The following CIBAR1 variants were observed in gnomAD, a reference collection of about 807,000 sequenced individuals.
CIBAR1 encodes CBY1-interacting BAR domain-containing protein 1.
In CIBAR1, 25 loss-of-function variants were observed where a neutral mutation model predicts 44.0. The ratio of observed to expected loss-of-function variants is 0.57; its 90% CI spans 0.41 to 0.79. CIBAR1 has a LOEUF of 0.79. CIBAR1 is among the 30% of genes least tolerant of loss of function. The pLI, the probability that CIBAR1 is intolerant of heterozygous loss-of-function variation, is 0.00. For missense variants in CIBAR1, 278 were observed against 344.8 expected, an observed-to-expected ratio of 0.81 and a Z score of 1.53; for synonymous variants, 115 against 119.0, an observed-to-expected ratio of 0.97 and a Z score of 0.22.
intron 6 of CIBAR1, among the ~76,000 whole-genome samples, chr8:93,710,078 A>G (rs1196142258): frequency 5.9e-5 from 9 of 152,186 alleles, no homozygotes; most frequent in African/African-American, 1.4e-4. Context: ...TGAGGCCAGG[A>G]GTTTGGGATG....
rs1022432144 is a variant in CIBAR1 at position 93,704,983 on chromosome 8, G to T, written c.405G>T (p.Gln135His). 1.2e-6 allele frequency: 2 copies of T among 1,612,746 alleles called. No homozygotes were observed. Among genetic ancestry groups the T allele is most frequent in the African/African-American group, 2.7e-5 (2 of 74,884 alleles). The change falls in exon 4 of 9, where the codon CAG becomes CAT. Residue 135 changes from glutamine to histidine, a missense_variant. Physicochemically the swap from Gln to His is conservative, Grantham distance 24 (BLOSUM62 0). Coordinates refer to ENST00000518322, the MANE Select transcript of CIBAR1 (RefSeq NM_145269.5). Reference protein sequence around the residue: ...KQLTQLERTRQRNPSDRHVIS... With the variant: ...KQLTQLERTRHRNPSDRHVIS... Reference sequence around the variant, plus strand: ...TAACTCAGTTAGAAAGAACACGTCAGCGAAACCCATCTGATCGACATGTTA... The same window carrying T: ...TAACTCAGTTAGAAAGAACACGTCATCGAAACCCATCTGATCGACATGTTA...
chr8:93,708,820 C>T (rs1185376290), intron 5 of CIBAR1, among the ~76,000 whole-genome samples: 3 of 152,098 alleles, frequency 2.0e-5, no homozygotes, highest in African/African-American at 7.2e-5. Context: ...TGGTTATATA[C>T]CTGCTAACTC....
At chr8:93,714,748 T>A (rs1810976149) in intron 6 of CIBAR1, among the ~76,000 whole-genome samples, 1 of 152,006 alleles carries the variant, frequency 6.6e-6, no homozygotes, top group African/African-American at 2.4e-5. Context: ...CCTCCCCAGG[T>A]GCTGGGATTA....
At chr8:93,718,989 A>AACT (rs1811141298) in intron 7 of CIBAR1, among the ~76,000 whole-genome samples, 1 of 151,796 alleles carries the variant, frequency 6.6e-6, no homozygotes, top group Non-Finnish European at 1.5e-5. Context: ...TCAGCCTCCT[A>AACT]ACTAGCTTGG....
Position 93,700,582 on chromosome 8 carries a change from C to T in CIBAR1, c.-66C>T. On this transcript the variant is annotated 5_prime_UTR_variant, in exon 1 of 9. Coordinates refer to ENST00000518322, the MANE Select transcript of CIBAR1 (RefSeq NM_145269.5). The stretch of plus-strand genomic sequence containing the variant: ...CGGCGGCTGCTTGCGCCCCAGCGCG[C>T]GCCCAGGCGCCTTGGAATCCCCGTC... The T allele has an allele frequency of 7.0e-7, 1 of 1,422,970 alleles. No individual in the cohort carries two copies. The highest frequency in any genetic ancestry group is 9.2e-7 in the Non-Finnish European group (1 of 1,087,406). The allele number at this position is 1,422,970 out of a possible 1,614,324, so 88.1% of individuals were successfully genotyped here. A position where few individuals can be genotyped will look rare whatever the true frequency, so the allele number is the denominator to read the frequency against.
chr8:93,726,044 T>C (rs1039403992), intron 7 of CIBAR1: 7 of 190,856 alleles, frequency 3.7e-5, no homozygotes, highest in African/African-American at 1.2e-4. Flanking sequence ...AGTTGAGAAT[T>C]TGCAGAACAG....
chr8:93,702,779 G>A (rs1412432891), intron 2 of CIBAR1, among the ~76,000 whole-genome samples: 1 of 151,936 alleles, frequency 6.6e-6, no homozygotes, highest in African/African-American at 2.4e-5. Flanking sequence ...ATGAAATTAA[G>A]TGTATTTGTC....
In CIBAR1 at chr8:93,701,333, G is replaced by C; in HGVS notation, c.136G>C (p.Asp46His). ...TGTGCGGAAAACTGCCAGGCTGAGAGACAAAGCAGACCTCCTGGTGAATGA... is the reference window on the plus strand; with the variant it reads ...TGTGCGGAAAACTGCCAGGCTGAGACACAAAGCAGACCTCCTGGTGAATGA... ...AYVRKTARLR[D>H]KADLLVNEIN... is the part of the protein sequence containing the mutation. Residue 46 changes from aspartate (D) to histidine (H), a missense_variant, in exon 2 of 9, where the codon GAC becomes CAC. Transcript: ENST00000518322. The C allele has an allele frequency of 1.2e-6, 2 of 1,613,900 alleles. No homozygotes were observed. Among genetic ancestry groups the C allele is most frequent in the East Asian group, 4.5e-5 (2 of 44,876 alleles).
intron 6 of CIBAR1, among the ~76,000 whole-genome samples, chr8:93,718,462 G>A (rs1184059689): frequency 7.9e-5 from 12 of 152,176 alleles, no homozygotes; most frequent in Admixed American, 7.9e-4. Context: ...GAAGTGGATG[G>A]TGATAAAGGA....
chr8:93,722,742 C>G (rs2130371940), intron 7 of CIBAR1, among the ~76,000 whole-genome samples: 3 of 152,172 alleles, frequency 2.0e-5, no homozygotes, highest in South Asian at 4.2e-4. Context: ...GTATTAACTT[C>G]AGAGCACATT....
chr8:93,701,130 C>T, intron 1 of CIBAR1, 94 bp from the exon 2 acceptor site: 1 of 1,515,998 alleles, frequency 6.6e-7, no homozygotes, highest in Non-Finnish European at 8.9e-7. Context: ...TTCAAAGCTG[C>T]AGAATGCCCG....
intron 7 of CIBAR1, chr8:93,721,210 C>T (rs1811249736): frequency 6.6e-6 from 1 of 152,192 alleles, no homozygotes; most frequent in South Asian, 2.1e-4. Context: ...TAACCATTTC[C>T]TGCAAGAAGT....
chr8:93,709,913 A>G, intron 6 of CIBAR1, 38 bp downstream of exon 6: 1 of 1,471,706 alleles, frequency 6.8e-7, no homozygotes. Flanking sequence ...ACATGTTTTT[A>G]ACCTTTTTTT....
intron 6 of CIBAR1, 78 bp from the exon 7 acceptor site, chr8:93,718,597 T>C (rs1183838942): frequency 2.7e-6 from 2 of 749,588 alleles, no homozygotes; most frequent in Non-Finnish European, 2.2e-6. Context: ...ATACCAAGAC[T>C]ATAGTGAGGA....
At chr8:93,709,235 G>A (rs1223000704) in intron 5 of CIBAR1, among the ~76,000 whole-genome samples, 1 of 152,032 alleles carries the variant, frequency 6.6e-6, no homozygotes, top group Non-Finnish European at 1.5e-5. Context: ...AGCCGAGAGC[G>A]TGCCACTGCA....
intron 7 of CIBAR1, among the ~76,000 whole-genome samples, chr8:93,721,922 CA>C (rs1213354994): frequency 6.6e-6 from 1 of 151,980 alleles, no homozygotes; most frequent in Non-Finnish European, 1.5e-5. Context: ...GGATGCCTGG[CA>C]AAAACTTTCA....
chr8:93,712,111 C>A (rs1467306827), intron 6 of CIBAR1, among the ~76,000 whole-genome samples: 1 of 152,168 alleles, frequency 6.6e-6, no homozygotes, highest in African/African-American at 2.4e-5. Context: ...AAACATTGGG[C>A]TATAATTCAC....
chr8:93,724,568 C>G (rs761721314), intron 7 of CIBAR1: 1 of 1,274,158 alleles, frequency 7.8e-7, no homozygotes. Flanking sequence ...TCAAGCGATC[C>G]GCCTGCGTTG....
In CIBAR1 at chr8:93,729,742, T is replaced by C. The variant is rs182968575; in HGVS notation, c.*1445T>C. Reference sequence around the variant, plus strand: ...GGTTTAGGCAAATTCAAGACTATTATACAGGTAACTATGTAACCATGTAAG... The same window carrying C: ...GGTTTAGGCAAATTCAAGACTATTACACAGGTAACTATGTAACCATGTAAG... On this transcript the variant is annotated 3_prime_UTR_variant, in exon 9 of 9. Coordinates refer to ENST00000518322, the MANE Select transcript of CIBAR1 (RefSeq NM_145269.5). 10 of 152,306 alleles carry C rather than the reference T, an allele frequency of 6.6e-5. No homozygotes were observed. The highest frequency in any genetic ancestry group is 2.2e-4 in the African/African-American group (9 of 41,568). The allele number at this position is 152,306 out of a possible 1,614,324, so 9.4% of individuals were successfully genotyped here. A position where few individuals can be genotyped will look rare whatever the true frequency, so the allele number is the denominator to read the frequency against.
Sources: allele counts gnomAD v4.1 joint callset (sites outside exome capture counted in the v4.1 genomes callset), GRCh38; gene constraint gnomAD v4.1.1; transcripts MANE v1.5; gene names NCBI Gene and HGNC (gene_info 2026-07-23, HGNC 2026-07-21).